AP4E1: variants seen among roughly 807,000 people sequenced by gnomAD.
AP4E1 encodes adaptor related protein complex 4 subunit epsilon 1, also known as AP-4 complex subunit epsilon-1.
Under a neutral mutation model 128.2 loss-of-function variants are expected in AP4E1, and 56 were observed. The observed-to-expected ratio is 0.44, with a 90% CI of 0.35 to 0.55. AP4E1 has a LOEUF of 0.55. Among genes scored for constraint, AP4E1 ranks in the 20% least tolerant of loss-of-function variants. The probability of loss-of-function intolerance (pLI) is 0.00; values close to 1 mark genes in which losing one functional copy is unlikely to be tolerated. For missense variants in AP4E1, 1,324 were observed against 1,307.7 expected, an observed-to-expected ratio of 1.01 and a Z score of -0.19; for synonymous variants, 484 against 473.1, an observed-to-expected ratio of 1.02 and a Z score of -0.30.
chr15:50,930,654 G>A, intron 6 of AP4E1, 151 bp from the exon 7 acceptor site: 1 of 788,498 alleles, frequency 1.3e-6, no homozygotes, highest in Non-Finnish European at 2.0e-6. Flanking sequence ...ATTTTATCAT[G>A]GAAGATATTA....
At chr15:50,939,301 T>G (rs995369851) in intron 8 of AP4E1, among the ~76,000 whole-genome samples, 12 of 152,048 alleles carry the variant, frequency 7.9e-5, no homozygotes, top group African/African-American at 2.9e-4. Flanking sequence ...GGTGAAACCC[T>G]GTCTCTACTA....
chr15:50,908,959 A>G, intron 1 of AP4E1, 31 bp downstream of exon 1: 1 of 1,608,970 alleles, frequency 6.2e-7, no homozygotes, highest in Non-Finnish European at 8.5e-7. Context: ...GAGCTCAGGG[A>G]CATCGGAGTG....
At chr15:50,941,278 T>G (rs1344093788) in intron 8 of AP4E1, among the ~76,000 whole-genome samples, 164 bp from the exon 9 acceptor site, 1 of 152,156 alleles carries the variant, frequency 6.6e-6, no homozygotes, top group Non-Finnish European at 1.5e-5. Flanking sequence ...TCCTAGTAAC[T>G]GGGTAAGCCT....
At chr15:50,963,623 G>A (rs1259660076) in intron 14 of AP4E1, among the ~76,000 whole-genome samples, 1 of 152,154 alleles carries the variant, frequency 6.6e-6, no homozygotes, top group African/African-American at 2.4e-5. Context: ...TAGATAAGAG[G>A]AGTAAGTTCT....
In AP4E1 at chr15:50,983,944, T is replaced by TGTGGTAGTGAATG; in HGVS notation, c.1967-75_1967-63dup. ...GCTATTAGTTCCAGGCTTGAATTAT[T>TGTGGTAGTGAATG]GTGGTAGTGAATGGTAACTTTGACA... On this transcript the variant is annotated intron_variant, in intron 15 of 20. Coordinates refer to ENST00000261842, the MANE Select transcript of AP4E1 (RefSeq NM_007347.5). 2.8e-6 allele frequency: 4 copies of TGTGGTAGTGAATG among 1,449,372 alleles called. No individual in the cohort carries two copies. The South Asian group carries it at 4.6e-5, about 17-fold the overall frequency. The allele number at this position is 1,449,372 out of a possible 1,614,324, so 89.8% of individuals were successfully genotyped here.
intron 8 of AP4E1, among the ~76,000 whole-genome samples, chr15:50,935,239 C>A (rs917685789): frequency 2.0e-5 from 3 of 151,770 alleles, no homozygotes; most frequent in Admixed American, 1.3e-4. Flanking sequence ...AGCAGCTAGT[C>A]TTAGGTGAGG....
intron 20 of AP4E1, among the ~76,000 whole-genome samples, chr15:51,001,456 C>T (rs772253239): frequency 1.3e-5 from 2 of 152,180 alleles, no homozygotes; most frequent in Non-Finnish European, 2.9e-5. Context: ...CATCTATCTT[C>T]AGAACTTTTT....
chr15:50,964,449 AT>A (rs981211636), intron 14 of AP4E1, among the ~76,000 whole-genome samples: 5 of 133,244 alleles, frequency 3.8e-5, no homozygotes, highest in Admixed American at 7.2e-5. Context: ...CATTATTTTG[AT>A]TTTTTTTTCA....
At chr15:50,929,563 TATTA>T (rs1268998117) in intron 6 of AP4E1, among the ~76,000 whole-genome samples, 1 of 152,168 alleles carries the variant, frequency 6.6e-6, no homozygotes, top group Non-Finnish European at 1.5e-5. Context: ...TGACTCCATG[TATTA>T]ATTCTGTATC....
At position 50,999,150 on chromosome 15, in the gene AP4E1, GA is replaced by G; in HGVS notation, c.2988del (p.Lys996AsnfsTer16). 1 of 1,613,954 alleles carries G rather than the reference GA, an allele frequency of 6.2e-7. No homozygotes were observed. The highest frequency in any genetic ancestry group is 8.5e-7 in the Non-Finnish European group (1 of 1,179,950). The part of the protein sequence containing the change: ...TKSFQYSVQI[E>X]KPFTEGNLTG... ...AAGCTTTCAATATAGTGTGCAGATA[GA>G]AAAACCTTTTACAGAAGGAAATCTT... On this transcript the variant is annotated frameshift_variant, in exon 19 of 21. Coordinates refer to ENST00000261842, the MANE Select transcript of AP4E1 (RefSeq NM_007347.5). LOFTEE classifies it high-confidence loss of function.
At chr15:50,936,127 T>C (rs1244204978) in intron 8 of AP4E1, among the ~76,000 whole-genome samples, 6 of 152,136 alleles carry the variant, frequency 3.9e-5, no homozygotes, top group Non-Finnish European at 8.8e-5. Context: ...GAGTATATAG[T>C]GTAATAAACA....
At chr15:50,941,627 T>C (rs1270724291) in intron 9 of AP4E1, 39 bp from the exon 10 acceptor site, 1 of 1,611,844 alleles carries the variant, frequency 6.2e-7, no homozygotes, top group East Asian at 2.2e-5. Flanking sequence ...GCTGTGTATT[T>C]GTTTCAATTC....
chr15:50,995,449 G>A (rs1406024778), intron 17 of AP4E1, among the ~76,000 whole-genome samples: 4 of 148,220 alleles, frequency 2.7e-5, no homozygotes, highest in African/African-American at 1.0e-4. Context: ...CCAGGCTGGA[G>A]CGCAGTGGCA....
chr15:50,983,633 A>G (rs1320476295), intron 15 of AP4E1, among the ~76,000 whole-genome samples: 1 of 152,242 alleles, frequency 6.6e-6, no homozygotes, highest in Non-Finnish European at 1.5e-5. Flanking sequence ...GAATGTACCC[A>G]GGAGCAGTTT....
rs542744332 is a variant in AP4E1, at chr15:50,922,934, C to T, written c.347-997C>T. ...CTGGGACTACAGGTGCCCGCCACCA[C>T]GCCTGGCTAATTTTTTGTATTTTTA... On this transcript the variant is annotated intron_variant, in intron 3 of 20. Coordinates refer to ENST00000261842, the MANE Select transcript of AP4E1 (RefSeq NM_007347.5). Among the ~76,000 whole-genome samples the T allele has an allele frequency of 4.6e-5, 7 of 152,156 alleles. No individual in the cohort carries two copies. In the East Asian group the frequency reaches 5.8e-4, roughly 13 times the overall value.
At chr15:50,961,147 A>G (rs975647203) in intron 14 of AP4E1, among the ~76,000 whole-genome samples, 2 of 152,092 alleles carry the variant, frequency 1.3e-5, no homozygotes, top group Non-Finnish European at 2.9e-5. Context: ...AGCTTACAAG[A>G]TGGCTTTACA....
intron 3 of AP4E1, among the ~76,000 whole-genome samples, chr15:50,920,116 T>C (rs1414454103): frequency 1.4e-5 from 2 of 143,458 alleles, no homozygotes; most frequent in Non-Finnish European, 1.5e-5. Context: ...ATGCCTTTTT[T>C]TTTTTTTTTT....
chr15:50,909,037 C>T (rs1002848255), intron 1 of AP4E1, 109 bp downstream of exon 1: 14 of 1,517,746 alleles, frequency 9.2e-6, no homozygotes, highest in Non-Finnish European at 1.2e-5. Context: ...AGCCCTCCGG[C>T]GGGGCTCAGG....
Position 51,001,110 on chromosome 15 carries a change from A to C in AP4E1, c.3180A>C (p.Glu1060Asp), listed in dbSNP as rs2064957010. Residue 1060 changes from glutamate (E) to aspartate (D), a missense_variant, in exon 20 of 21, where the codon GAA (glutamate) becomes GAC (aspartate). Physicochemically the swap from Glu to Asp is conservative, Grantham distance 45 (BLOSUM62 2). Transcript: ENST00000261842. ...NDVKQNVKMS[E>D]SQAALPSALK... Reference sequence around the variant, plus strand: ...TGAAACAAAATGTAAAAATGTCAGAATCTCAAGCTGCACTTCCTTCTGCAC... The same window carrying C: ...TGAAACAAAATGTAAAAATGTCAGACTCTCAAGCTGCACTTCCTTCTGCAC... 1 of 1,613,584 alleles carries C rather than the reference A, an allele frequency of 6.2e-7. No individual in the cohort carries two copies. Among genetic ancestry groups the C allele is most frequent in the Non-Finnish European group, 8.5e-7 (1 of 1,179,740 alleles).
Sources: allele counts gnomAD v4.1 joint callset (sites outside exome capture counted in the v4.1 genomes callset), GRCh38; gene constraint gnomAD v4.1.1; transcripts MANE v1.5; gene names NCBI Gene and HGNC (gene_info 2026-07-23, HGNC 2026-07-21).